PLEKHA7: variants seen among roughly 807,000 people sequenced by gnomAD.
PLEKHA7 encodes the protein pleckstrin homology domain-containing family A member 7.
Under a neutral mutation model 170.0 loss-of-function variants are expected in PLEKHA7, and 104 were observed. The ratio of observed to expected loss-of-function variants is 0.61; its 90% CI spans 0.52 to 0.72. The LOEUF is 0.72. PLEKHA7 is among the 30% of genes least tolerant of loss of function. The pLI is 0.00. For missense variants in PLEKHA7, 1,615 were observed against 1,671.7 expected (o/e 0.97, Z 0.59); for synonymous variants, 648 against 660.8 (o/e 0.98, Z 0.30).
intron 3 of PLEKHA7, among the ~76,000 whole-genome samples, chr11:16,919,284 T>C (rs1024369078): frequency 1.9e-4 from 29 of 152,184 alleles, no homozygotes; most frequent in African/African-American, 4.3e-4. Flanking sequence ...TGGGAAACTC[T>C]GGTGAAAAGA....
intron 3 of PLEKHA7, among the ~76,000 whole-genome samples, chr11:16,931,617 A>G (rs998214049): frequency 4.6e-5 from 7 of 152,068 alleles, no homozygotes; most frequent in Admixed American, 2.6e-4. Flanking sequence ...AAAAAAACTT[A>G]GCTGGGCATG....
At chr11:16,829,458 A>C (rs971412647) in intron 9 of PLEKHA7, among the ~76,000 whole-genome samples, 1 of 152,188 alleles carries the variant, frequency 6.6e-6, no homozygotes, top group Non-Finnish European at 1.5e-5. Context: ...TGGCTCTATA[A>C]ATTCCAGTAG....
intron 3 of PLEKHA7, among the ~76,000 whole-genome samples, chr11:16,874,188 AGATAACTTTGTT>A (rs1855096774): frequency 6.6e-6 from 1 of 152,150 alleles, no homozygotes; most frequent in Non-Finnish European, 1.5e-5. Context: ...GCCTTGTACA[AGATAACTTTGTT>A]GATAAATTAT....
chr11:16,909,891 T>TCAC (rs930965558), intron 3 of PLEKHA7, among the ~76,000 whole-genome samples: 8 of 152,078 alleles, frequency 5.3e-5, no homozygotes, highest in African/African-American at 1.9e-4. Flanking sequence ...TTCGGAAACC[T>TCAC]CACCATAAAA....
intron 4 of PLEKHA7, among the ~76,000 whole-genome samples, chr11:16,867,790 C>T (rs1277691559): frequency 6.6e-6 from 1 of 152,160 alleles, no homozygotes. Context: ...CAAGGCTGGA[C>T]ACACTCTCCT....
intron 3 of PLEKHA7, among the ~76,000 whole-genome samples, chr11:16,928,260 T>C (rs1170127639): frequency 6.6e-6 from 1 of 152,130 alleles, no homozygotes; most frequent in Non-Finnish European, 1.5e-5. Context: ...CAGCGAGCTA[T>C]GATTGCACCA....
At chr11:16,825,406 T>C (rs908780568) in intron 10 of PLEKHA7, among the ~76,000 whole-genome samples, 3 of 152,222 alleles carry the variant, frequency 2.0e-5, no homozygotes, top group African/African-American at 7.2e-5. Context: ...ATCTCCTCTT[T>C]TGTCAGTGAT....
chr11:16,785,608 C>G (rs1358589410), intron 24 of PLEKHA7, among the ~76,000 whole-genome samples: 1 of 152,184 alleles, frequency 6.6e-6, no homozygotes, highest in Non-Finnish European at 1.5e-5. Context: ...TTCCCTTTCT[C>G]TCCCCTTGGG....
intron 15 of PLEKHA7, 78 bp from the exon 16 acceptor site, chr11:16,801,895 A>T (rs1182988304): frequency 6.4e-7 from 1 of 1,567,518 alleles, no homozygotes; most frequent in African/African-American, 1.4e-5. Flanking sequence ...CCAGGAACCA[A>T]AGCTACTGGA....
chr11:16,930,831 A>C (rs1859872112), intron 3 of PLEKHA7, among the ~76,000 whole-genome samples: 1 of 152,212 alleles, frequency 6.6e-6, no homozygotes, highest in African/African-American at 2.4e-5. Flanking sequence ...TTTAAAAATA[A>C]TTTTAACGGG....
rs146736918 is a variant in PLEKHA7 at position 16,809,733 on chromosome 11, G to A, written c.2007+3380C>T. Among the ~76,000 whole-genome samples, 517 of 152,300 alleles carry A rather than the reference G, an allele frequency of 3.4e-3. 7 individuals are homozygous for A. Among genetic ancestry groups the A allele is most frequent in the African/African-American group, 0.012 (494 of 41,550 alleles). ...CGGGAAGTCCACCACCACCTGAGGT[G>A]GCCCTTTTAGAAAAGTCTTTCTTCT... is the stretch of plus-strand genomic sequence containing the variant. On this transcript the variant is annotated intron_variant, in intron 13 of 26. Transcript: ENST00000531066.
intron 5 of PLEKHA7, among the ~76,000 whole-genome samples, chr11:16,855,240 T>C (rs1362372980): frequency 6.6e-6 from 1 of 152,166 alleles, no homozygotes; most frequent in Non-Finnish European, 1.5e-5. Flanking sequence ...AAGGAATTTT[T>C]CAATCAACTT....
chr11:16,847,684 C>A (rs577221911), intron 8 of PLEKHA7, among the ~76,000 whole-genome samples: 84 of 151,332 alleles, frequency 5.6e-4, no homozygotes, highest in East Asian at 5.3e-3. Context: ...ACAACAACAA[C>A]AAAAAAAATT....
chr11:16,789,905 A>G lies in PLEKHA7; in HGVS notation c.3053-27T>C. 1 of 1,596,640 alleles carries G rather than the reference A, an allele frequency of 6.3e-7. No homozygotes were observed. Among genetic ancestry groups the G allele is most frequent in the Non-Finnish European group, 8.6e-7 (1 of 1,164,342 alleles). The stretch of plus-strand genomic sequence containing the variant: ...TTAGTGAGGAAAGAGAAGTGCAAGC[A>G]TGTTTGTGCTGGGGTGGATGGGTCC... On this transcript the variant is annotated intron_variant, in intron 21 of 26. Transcript: ENST00000531066. This position sits in a 1 kb window ranked among gnomAD's most constrained non-coding sequence, Gnocchi z 4.6.
chr11:16,889,420 A>AAAAAAAAAAAAAAAT (rs61086849), intron 3 of PLEKHA7, among the ~76,000 whole-genome samples: 2 of 74,686 alleles, frequency 2.7e-5, no homozygotes, highest in African/African-American at 6.3e-5. Flanking sequence ...AAAAAAAAAA[A>AAAAAAAAAAAAAAAT]ATATATATAT....
intron 26 of PLEKHA7, among the ~76,000 whole-genome samples, chr11:16,780,139 G>A (rs1848916725): frequency 6.6e-6 from 1 of 152,214 alleles, no homozygotes; most frequent in Non-Finnish European, 1.5e-5. Flanking sequence ...TGGGATGTCA[G>A]GGTAAGGACT....
chr11:16,932,989 A>T (rs1226914575), intron 3 of PLEKHA7, among the ~76,000 whole-genome samples: 3 of 152,250 alleles, frequency 2.0e-5, no homozygotes, highest in African/African-American at 7.2e-5. Context: ...GTTCTCTTCC[A>T]AAGACAATAG....
chr11:16,972,354 T>G (rs1462506641), intron 3 of PLEKHA7, among the ~76,000 whole-genome samples: 1 of 152,150 alleles, frequency 6.6e-6, no homozygotes, highest in Non-Finnish European at 1.5e-5. Context: ...ACTCCTGGGC[T>G]GAAGCAATTC....
chr11:16,794,709 TTCTC>T lies in PLEKHA7; in HGVS notation c.2520_2523del (p.Arg841LysfsTer57), dbSNP rs1848097531. 1 of 1,613,774 alleles carries T rather than the reference TTCTC, an allele frequency of 6.2e-7. No homozygotes were observed. On this transcript the variant is annotated frameshift_variant and splice_region_variant, in exon 19 of 27. Transcript: ENST00000531066. LOFTEE classifies it high-confidence loss of function. ...GGGTGAGGAAACAAAGGCACCGTTT[TTCTC>T]TCTAAGGGGCATAGAAGGAAACAAA...
Sources: gnomAD v4.1 joint callset for allele counts (sites outside exome capture counted in the v4.1 genomes callset) on GRCh38, gnomAD v4.1.1 for gene constraint, Gnocchi (gnomAD v3.1) non-coding constraint, MANE v1.5 for transcripts, NCBI Gene and HGNC (gene_info 2026-07-23, HGNC 2026-07-21) for gene names.